Variants in ADGRV1 observed in about 807,000 individuals in gnomAD.
The protein encoded by ADGRV1 is G-protein coupled receptor 98.
Under a neutral mutation model 596.2 loss-of-function variants are expected in ADGRV1, and 359 were observed. That is an observed-to-expected ratio of 0.60 (90% CI 0.55 to 0.66). The LOEUF is 0.66. Among genes scored for constraint, ADGRV1 ranks in the 30% least tolerant of loss-of-function variants. The pLI, the probability that ADGRV1 is intolerant of heterozygous loss-of-function variation, is 0.00. For missense variants in ADGRV1, 7,274 were observed against 7,575.6 expected, an observed-to-expected ratio of 0.96 and a Z score of 1.48; for synonymous variants, 2,681 against 2,679.2, an observed-to-expected ratio of 1.00 and a Z score of -0.02.
chr5:90,978,269 T>G (rs1779791172), intron 84 of ADGRV1, among the ~76,000 whole-genome samples: 1 of 151,384 alleles, frequency 6.6e-6, no homozygotes, highest in Non-Finnish European at 1.5e-5. Context: ...CACTCCAGAC[T>G]GGGGGACAGA....
chr5:90,761,458 G>A (rs750597255), intron 58 of ADGRV1, among the ~76,000 whole-genome samples: 7 of 152,158 alleles, frequency 4.6e-5, no homozygotes, highest in African/African-American at 7.2e-5. Flanking sequence ...TCAGCATTTA[G>A]TATTCAAATC....
intron 1 of ADGRV1, among the ~76,000 whole-genome samples, chr5:90,593,462 C>T (rs1012963954): frequency 5.5e-5 from 8 of 145,036 alleles, no homozygotes; most frequent in Admixed American, 5.5e-4. Context: ...GGGGTGGGGG[C>T]TGGGGGAGGG....
intron 1 of ADGRV1, among the ~76,000 whole-genome samples, chr5:90,575,966 T>C (rs1367021338): frequency 6.6e-6 from 1 of 152,084 alleles, no homozygotes; most frequent in Admixed American, 6.5e-5. Flanking sequence ...AAGTGATTTA[T>C]CTTGATCCCT....
At chr5:91,059,751 C>T (rs1787232389) in intron 85 of ADGRV1, among the ~76,000 whole-genome samples, 3 of 152,258 alleles carry the variant, frequency 2.0e-5, no homozygotes, top group South Asian at 4.1e-4. Context: ...AATTCATGAC[C>T]TCTATCTCAA....
At chr5:90,596,933 A>G (rs1180341901) in intron 1 of ADGRV1, among the ~76,000 whole-genome samples, 2 of 152,166 alleles carry the variant, frequency 1.3e-5, no homozygotes, top group Non-Finnish European at 2.9e-5. Context: ...AACAAAAACA[A>G]AAAGAGTGGT....
chr5:91,131,534 T>C (rs190624473), intron 87 of ADGRV1, among the ~76,000 whole-genome samples: 1 of 151,114 alleles, frequency 6.6e-6, no homozygotes, highest in Non-Finnish European at 1.5e-5. Flanking sequence ...CACTGTAACC[T>C]CTGCCTTCTG....
At chr5:90,632,674 C>G (rs1765650374) in intron 9 of ADGRV1, among the ~76,000 whole-genome samples, 1 of 152,178 alleles carries the variant, frequency 6.6e-6, no homozygotes, top group African/African-American at 2.4e-5. Context: ...TTTGATGACA[C>G]TTGAAAGCTA....
chr5:91,069,393 A>T (rs1439627294), intron 85 of ADGRV1, among the ~76,000 whole-genome samples: 1 of 152,356 alleles, frequency 6.6e-6, no homozygotes, highest in South Asian at 2.1e-4. Flanking sequence ...ATGTATGAGG[A>T]ACGTATACAA....
intron 83 of ADGRV1, among the ~76,000 whole-genome samples, chr5:90,916,631 ATTT>A (rs11407284): frequency 1.6e-5 from 2 of 124,686 alleles, no homozygotes; most frequent in Admixed American, 8.9e-5. Flanking sequence ...GCGTTCACAA[ATTT>A]TTTTTTTTTT....
rs78322409 is a variant in ADGRV1, at chr5:90,867,373, C to T, written c.17856+3516C>T. Among the ~76,000 whole-genome samples, 1,314 of 152,182 alleles carry T rather than the reference C, an allele frequency of 8.6e-3. 16 individuals carry two copies. The highest frequency in any genetic ancestry group is 0.031 in the African/African-American group (1,267 of 41,512). On this transcript the variant is annotated intron_variant, in intron 83 of 89. Coordinates refer to ENST00000405460, the MANE Select transcript of ADGRV1 (RefSeq NM_032119.4). ...AATGTGTATAAGTCCGTACATTAACCGCAAGACTATAGCTTAGGGGTCTAT... is the reference window on the plus strand; with the variant it reads ...AATGTGTATAAGTCCGTACATTAACTGCAAGACTATAGCTTAGGGGTCTAT...
At chr5:90,971,745 A>C (rs1179096721) in intron 84 of ADGRV1, among the ~76,000 whole-genome samples, 3 of 152,202 alleles carry the variant, frequency 2.0e-5, no homozygotes, top group Non-Finnish European at 4.4e-5. Flanking sequence ...CACTGCAAAA[A>C]CATGACAAAT....
intron 1 of ADGRV1, among the ~76,000 whole-genome samples, chr5:90,577,542 A>T (rs539175089): frequency 6.6e-6 from 1 of 152,168 alleles, no homozygotes. Context: ...GTTTGAAGTC[A>T]GGTAGTGTGT....
At chr5:90,586,180 C>G (rs1209334268) in intron 1 of ADGRV1, among the ~76,000 whole-genome samples, 1 of 152,146 alleles carries the variant, frequency 6.6e-6, no homozygotes, top group East Asian at 1.9e-4. Flanking sequence ...TTACCTCCGA[C>G]TTAGAATTAG....
chr5:90,632,661 A>G (rs1344748434), intron 9 of ADGRV1, among the ~76,000 whole-genome samples: 4 of 152,194 alleles, frequency 2.6e-5, no homozygotes, highest in African/African-American at 9.7e-5. Context: ...ATGACAATTA[A>G]TTTTTGATGA....
chr5:91,031,836 T>C (rs1784505482), intron 85 of ADGRV1, among the ~76,000 whole-genome samples: 1 of 152,190 alleles, frequency 6.6e-6, no homozygotes, highest in African/African-American at 2.4e-5. Flanking sequence ...TTCTAACTAA[T>C]TGGGTTTCTT....
chr5:90,858,861 A>T (rs1337107010), intron 82 of ADGRV1, among the ~76,000 whole-genome samples: 3 of 152,194 alleles, frequency 2.0e-5, no homozygotes, highest in African/African-American at 7.2e-5. Context: ...AACTCTAAGC[A>T]TCACACTAGC....
intron 64 of ADGRV1, chr5:90,779,996 C>T: frequency 6.6e-6 from 1 of 152,072 alleles, no homozygotes; most frequent in Admixed American, 6.6e-5. Context: ...TTTAGATTTC[C>T]CAAAAATGCT....
At chr5:90,795,684 C>T (rs1286272900) in intron 70 of ADGRV1, among the ~76,000 whole-genome samples, 1 of 152,192 alleles carries the variant, frequency 6.6e-6, no homozygotes, top group East Asian at 1.9e-4. Context: ...GATCCCTGAC[C>T]CCCGTGTATC....
At chr5:90,937,719 A>G (rs1034580844) in intron 83 of ADGRV1, among the ~76,000 whole-genome samples, 1 of 152,156 alleles carries the variant, frequency 6.6e-6, no homozygotes, top group Non-Finnish European at 1.5e-5. Context: ...GGCCTCCCAA[A>G]GTGGCGGGAT....
Sources: gnomAD v4.1 joint callset for allele counts (sites outside exome capture counted in the v4.1 genomes callset) on GRCh38, gnomAD v4.1.1 for gene constraint, MANE v1.5 for transcripts, NCBI Gene and HGNC (gene_info 2026-07-23, HGNC 2026-07-21) for gene names.